The following COP1 variants were observed in gnomAD, a reference collection of about 807,000 sequenced individuals.
COP1 encodes COP1 E3 ubiquitin ligase.
Under a neutral mutation model 101.3 loss-of-function variants are expected in COP1, and 24 were observed. That is an observed-to-expected ratio of 0.24 (90% CI 0.17 to 0.33). The LOEUF (loss-of-function observed/expected upper bound fraction) is 0.33, where lower values mean the gene tolerates loss of function less well. Ranked by LOEUF, COP1 falls within the 10% of genes least tolerant of loss-of-function variation. The pLI, the probability that COP1 is intolerant of heterozygous loss-of-function variation, is 1.00. For synonymous variants in COP1, 347 were observed against 341.9 expected (o/e 1.01, Z -0.17); for missense variants, 663 against 906.2 (o/e 0.73, Z 3.45).
At chr1:176,028,037 C>G (rs997145425) in intron 14 of COP1, among the ~76,000 whole-genome samples, 2 of 151,984 alleles carry the variant, frequency 1.3e-5, no homozygotes, top group Admixed American at 1.3e-4. Flanking sequence ...AGGGGAACTC[C>G]CATTTATAAA....
intron 9 of COP1, among the ~76,000 whole-genome samples, chr1:176,107,500 T>C (rs1282521179): frequency 2.0e-5 from 3 of 152,108 alleles, no homozygotes. Context: ...AAATACAAGA[T>C]GATTTGAGTT....
chr1:176,130,234 T>C (rs1401697494), intron 8 of COP1, among the ~76,000 whole-genome samples: 1 of 151,682 alleles, frequency 6.6e-6, no homozygotes, highest in Non-Finnish European at 1.5e-5. Context: ...AGTTAAAAAA[T>C]GTCTAAAATA....
intron 14 of COP1, among the ~76,000 whole-genome samples, chr1:176,039,976 A>G (rs2149154409): frequency 6.6e-6 from 1 of 152,320 alleles, no homozygotes; most frequent in South Asian, 2.1e-4. Context: ...CAAAAATTAA[A>G]AAGTTAAAAA....
At chr1:176,120,786 T>C (rs1219906812) in intron 8 of COP1, among the ~76,000 whole-genome samples, 1 of 152,166 alleles carries the variant, frequency 6.6e-6, no homozygotes, top group Non-Finnish European at 1.5e-5. Context: ...GAGAAAACAA[T>C]GGTTCACTCT....
At chr1:176,054,776 T>A (rs1673164265) in intron 11 of COP1, among the ~76,000 whole-genome samples, 1 of 152,182 alleles carries the variant, frequency 6.6e-6, no homozygotes, top group South Asian at 2.1e-4. Flanking sequence ...TTCTTCCTTT[T>A]CAAGTAAAAA....
intron 15 of COP1, among the ~76,000 whole-genome samples, chr1:176,004,147 C>G (rs1347118080): frequency 1.3e-5 from 2 of 151,390 alleles, no homozygotes; most frequent in African/African-American, 4.9e-5. Flanking sequence ...ATTCGGCTCT[C>G]TGTTTGTCTG....
At chr1:176,134,450 C>CT (rs766464895) in intron 8 of COP1, among the ~76,000 whole-genome samples, 81 of 152,076 alleles carry the variant, frequency 5.3e-4, no homozygotes, top group Non-Finnish European at 8.2e-4. Context: ...TGAAACCAGG[C>CT]TTTATTCTAA....
chr1:175,971,055 A>T (rs1653140416), intron 18 of COP1, among the ~76,000 whole-genome samples: 1 of 152,240 alleles, frequency 6.6e-6, no homozygotes, highest in Non-Finnish European at 1.5e-5. Context: ...GATATATAGA[A>T]GACATTTCAA....
At chr1:176,144,445 T>C (rs1691252242) in intron 6 of COP1, among the ~76,000 whole-genome samples, 1 of 152,116 alleles carries the variant, frequency 6.6e-6, no homozygotes, top group African/African-American at 2.4e-5. Flanking sequence ...GATCTAAATA[T>C]AGAGGGAAGT....
chr1:175,996,083 C>G (rs1443785174), intron 15 of COP1, among the ~76,000 whole-genome samples: 2 of 152,152 alleles, frequency 1.3e-5, no homozygotes, highest in African/African-American at 4.8e-5. Context: ...GGATGCAAGG[C>G]TGGTTCAAAA....
rs545270447 is a variant in COP1 at position 175,976,429 on chromosome 1, C to G, written c.2133+10514G>C. ...AGCAGCTGGGATTACAGGTGTGCAACACCATGCCTGCCTAATTATTGTATT... is the reference window on the plus strand; with the variant it reads ...AGCAGCTGGGATTACAGGTGTGCAAGACCATGCCTGCCTAATTATTGTATT... On this transcript the variant is annotated intron_variant, in intron 18 of 19. Transcript: ENST00000367669. Among the ~76,000 whole-genome samples the G allele has an allele frequency of 2.5e-3, 379 of 152,072 alleles. 2 individuals carry two copies. Among genetic ancestry groups the G allele is most frequent in the African/African-American group, 8.9e-3 (370 of 41,490 alleles).
intron 3 of COP1, among the ~76,000 whole-genome samples, chr1:176,168,503 AG>A (rs1695511495): frequency 6.4e-4 from 1 of 1,570 alleles, no homozygotes; most frequent in African/African-American, 7.9e-4. Flanking sequence ...GGAAGAAGGA[AG>A]GGAGGGAGGG....
intron 9 of COP1, among the ~76,000 whole-genome samples, chr1:176,114,341 T>C (rs917871734): frequency 1.3e-5 from 2 of 152,048 alleles, no homozygotes; most frequent in African/African-American, 4.8e-5. Flanking sequence ...TACATGAATA[T>C]AATACAGGAT....
chr1:176,006,256 T>C (rs535550699), intron 15 of COP1, among the ~76,000 whole-genome samples: 107 of 152,238 alleles, frequency 7.0e-4, no homozygotes, highest in African/African-American at 1.3e-3. Flanking sequence ...GCACGTGAGA[T>C]GGGTTTCCTG....
chr1:176,196,006 G>A (rs1699645472), intron 1 of COP1, among the ~76,000 whole-genome samples: 2 of 152,218 alleles, frequency 1.3e-5, no homozygotes, highest in African/African-American at 4.8e-5. Flanking sequence ...GCATGTACAG[G>A]TAAAATAAAT....
chr1:176,082,103 G>C (rs1340008722), intron 10 of COP1, among the ~76,000 whole-genome samples: 1 of 152,162 alleles, frequency 6.6e-6, no homozygotes, highest in African/African-American at 2.4e-5. Flanking sequence ...AATAGAAGCA[G>C]ACCTACACTA....
chr1:176,044,024 A>T (rs1227359247), intron 12 of COP1, among the ~76,000 whole-genome samples: 1 of 152,216 alleles, frequency 6.6e-6, no homozygotes, highest in Non-Finnish European at 1.5e-5. Context: ...TAATGACCCT[A>T]ACCACCTTTT....
intron 11 of COP1, among the ~76,000 whole-genome samples, chr1:176,051,010 T>C (rs908358821): frequency 2.0e-5 from 3 of 152,088 alleles, no homozygotes; most frequent in Non-Finnish European, 4.4e-5. Context: ...TTATATATAG[T>C]GATAATAACA....
intron 11 of COP1, among the ~76,000 whole-genome samples, chr1:176,055,599 G>C (rs1242670699): frequency 1.3e-5 from 2 of 151,432 alleles, no homozygotes. Flanking sequence ...TCCCAAACCA[G>C]ACCTCTCTCT....
Sources: allele counts gnomAD v4.1 joint callset (sites outside exome capture counted in the v4.1 genomes callset), GRCh38; gene constraint gnomAD v4.1.1; transcripts MANE v1.5; gene names NCBI Gene and HGNC (gene_info 2026-07-23, HGNC 2026-07-21).